CYYR1: variants seen among roughly 807,000 people sequenced by gnomAD.
The protein encoded by CYYR1 is cysteine and tyrosine-rich protein 1.
CYYR1 carries 14 observed loss-of-function variants against 15.2 expected under a neutral mutation model. The observed-to-expected ratio is 0.92, with a 90% CI of 0.61 to 1.44. The LOEUF (loss-of-function observed/expected upper bound fraction) is 1.44, where lower values mean the gene tolerates loss of function less well. CYYR1 is among the 40% of genes most tolerant of loss of function. The probability of loss-of-function intolerance (pLI) is 0.00; values close to 1 mark genes in which losing one functional copy is unlikely to be tolerated. For missense variants in CYYR1, 228 were observed against 209.5 expected, an observed-to-expected ratio of 1.09 and a Z score of -0.54; for synonymous variants, 80 against 77.4, an observed-to-expected ratio of 1.03 and a Z score of -0.18.
intron 1 of CYYR1, 59 bp from the exon 2 acceptor site, chr21:26,566,427 A>T: frequency 7.5e-7 from 1 of 1,339,700 alleles, no homozygotes; most frequent in Non-Finnish European, 1.1e-6. Flanking sequence ...TTTCAAGAAA[A>T]ATTATTCTAT....
intron 1 of CYYR1, 86 bp downstream of exon 1, chr21:26,572,782 C>A: frequency 1.3e-6 from 2 of 1,506,610 alleles, no homozygotes; most frequent in South Asian, 1.2e-5. Flanking sequence ...GGTCCCGGTC[C>A]GTCCAGCTCA....
chr21:26,545,387 T>C (rs1978889135), intron 2 of CYYR1, among the ~76,000 whole-genome samples: 1 of 152,000 alleles, frequency 6.6e-6, no homozygotes, highest in South Asian at 2.1e-4. Context: ...GACCATCCAG[T>C]GGGAAGCAGC....
At chr21:26,562,944 G>T (rs1412395463) in intron 2 of CYYR1, among the ~76,000 whole-genome samples, 1 of 152,080 alleles carries the variant, frequency 6.6e-6, no homozygotes. Flanking sequence ...GGAAGTCAGA[G>T]TCCATCATTT....
chr21:26,477,527 C>G (rs2123388581), intron 3 of CYYR1: 2 of 230,350 alleles, frequency 8.7e-6, no homozygotes, highest in Admixed American at 6.5e-5. Context: ...TTTCCGTCGG[C>G]TAATTGAAAT....
chr21:26,551,738 G>T, intron 2 of CYYR1: 1 of 190,630 alleles, frequency 5.2e-6, no homozygotes, highest in South Asian at 8.3e-5. Context: ...TTTGTGAGAT[G>T]GAATCTATTC....
intron 2 of CYYR1, among the ~76,000 whole-genome samples, chr21:26,485,059 G>T (rs2065232386): frequency 6.6e-6 from 1 of 152,060 alleles, no homozygotes. Context: ...AATTGGCTCA[G>T]TCAACTGTTG....
chr21:26,466,807 C>T lies in CYYR1; in HGVS notation c.*1694G>A, dbSNP rs2064973339. On this transcript the variant is annotated 3_prime_UTR_variant, in exon 4 of 4. Transcript: ENST00000652641. ...TTTATGTAAGTCAGGGAGCCCCTCACCAGAACAGGCTGAAACTCTTGAATG... is the reference window on the plus strand; with the variant it reads ...TTTATGTAAGTCAGGGAGCCCCTCATCAGAACAGGCTGAAACTCTTGAATG... 6.6e-6 allele frequency: 1 copy of T among 152,068 alleles called. No individual in the cohort carries two copies. Among genetic ancestry groups the T allele is most frequent in the African/African-American group, 2.4e-5 (1 of 41,400 alleles). 9.4% of individuals were successfully genotyped at this position (152,068 alleles called of 1,614,324 possible).
chr21:26,492,361 C>A (rs1480801314), intron 2 of CYYR1, among the ~76,000 whole-genome samples: 3 of 152,172 alleles, frequency 2.0e-5, no homozygotes, highest in Non-Finnish European at 4.4e-5. Context: ...TAATTAGATA[C>A]CTGTCCTTAG....
At chr21:26,495,261 G>A (rs191556660) in intron 2 of CYYR1, among the ~76,000 whole-genome samples, 142 of 152,222 alleles carry the variant, frequency 9.3e-4, no homozygotes, top group Admixed American at 1.6e-3. Flanking sequence ...ACAGCAACAG[G>A]AATTAAAGGG....
intron 2 of CYYR1, among the ~76,000 whole-genome samples, chr21:26,524,976 A>G (rs1482427497): frequency 1.3e-5 from 2 of 152,218 alleles, no homozygotes; most frequent in Non-Finnish European, 2.9e-5. Flanking sequence ...TGGAGCTAAG[A>G]GGCAATAAAT....
At chr21:26,470,916 G>C (rs140174743) in intron 3 of CYYR1, 1 of 152,370 alleles carries the variant, frequency 6.6e-6, no homozygotes, top group Admixed American at 6.5e-5. Context: ...CAAAAGTCTT[G>C]CAAGTCTCTA....
chr21:26,519,607 T>C (rs2065776956), intron 2 of CYYR1, among the ~76,000 whole-genome samples: 1 of 152,172 alleles, frequency 6.6e-6, no homozygotes, highest in African/African-American at 2.4e-5. Context: ...GGGAAAGTAC[T>C]GAAGCGTTTT....
chr21:26,480,159 C>T (rs2065155111), intron 3 of CYYR1, 113 bp downstream of exon 3: 23 of 1,068,974 alleles, frequency 2.2e-5, no homozygotes, highest in Non-Finnish European at 2.8e-5. Flanking sequence ...CCTAGAAATA[C>T]TCTATGAAAT....
At chr21:26,488,901 G>C (rs2065289157) in intron 2 of CYYR1, among the ~76,000 whole-genome samples, 1 of 152,034 alleles carries the variant, frequency 6.6e-6, no homozygotes, top group Non-Finnish European at 1.5e-5. Context: ...AAACAAACTA[G>C]TTTAAAAAAA....
At chr21:26,522,682 C>T (rs1455563450) in intron 2 of CYYR1, among the ~76,000 whole-genome samples, 4 of 152,150 alleles carry the variant, frequency 2.6e-5, no homozygotes, top group African/African-American at 7.2e-5. Context: ...TAAAACACCA[C>T]GTTCCTGCCC....
chr21:26,547,188 T>G (rs958926003), intron 2 of CYYR1, among the ~76,000 whole-genome samples: 5 of 152,172 alleles, frequency 3.3e-5, no homozygotes, highest in African/African-American at 1.2e-4. Flanking sequence ...CTGAAGGATC[T>G]TCAAAGTCCC....
intron 2 of CYYR1, among the ~76,000 whole-genome samples, chr21:26,532,889 T>C (rs1390178617): frequency 6.6e-6 from 1 of 152,158 alleles, no homozygotes; most frequent in Non-Finnish European, 1.5e-5. Flanking sequence ...TGCACAAAAT[T>C]ATTAAAAAAT....
intron 2 of CYYR1, among the ~76,000 whole-genome samples, chr21:26,530,102 A>C (rs1370902793): frequency 2.0e-5 from 3 of 152,194 alleles, no homozygotes; most frequent in African/African-American, 4.8e-5. Flanking sequence ...AAGCTGTATG[A>C]CTTTGGATAT....
intron 2 of CYYR1, among the ~76,000 whole-genome samples, chr21:26,506,071 A>G (rs937695231): frequency 2.0e-5 from 3 of 152,170 alleles, no homozygotes; most frequent in African/African-American, 7.2e-5. Context: ...TGCATCCGTC[A>G]TCTCAATAGG....
Sources: gnomAD v4.1 joint callset for allele counts (sites outside exome capture counted in the v4.1 genomes callset) on GRCh38, gnomAD v4.1.1 for gene constraint, MANE v1.5 for transcripts, NCBI Gene and HGNC (gene_info 2026-07-23, HGNC 2026-07-21) for gene names.